RTN2: variants seen among roughly 807,000 people sequenced by gnomAD.
RTN2 encodes the protein reticulon-2.
In RTN2, 36 loss-of-function variants were observed where a neutral mutation model predicts 63.7. That is an observed-to-expected ratio of 0.56 (90% CI 0.43 to 0.75). RTN2 has a LOEUF of 0.75. Ranked by LOEUF, RTN2 falls within the 30% of genes least tolerant of loss-of-function variation. The pLI, the probability that RTN2 is intolerant of heterozygous loss-of-function variation, is 0.00. For missense variants in RTN2, 673 were observed against 705.1 expected (o/e 0.95, Z 0.52); for synonymous variants, 312 against 313.0 (o/e 1.00, Z 0.03).
rs542004944 is a variant in RTN2 at position 45,489,376 on chromosome 19, A to C, written c.1211T>G (p.Val404Gly). 2 of 1,580,660 alleles carry C rather than the reference A, an allele frequency of 1.3e-6. No homozygotes were observed. Among genetic ancestry groups the C allele is most frequent in the East Asian group, 4.6e-5 (2 of 43,150 alleles). The change falls in exon 6 of 11, where the codon GTG becomes GGG. Residue 404 changes from valine (V) to glycine (G), a missense_variant. Val to Gly is a moderately radical substitution (Grantham distance 109, BLOSUM62 -3). Coordinates refer to ENST00000245923, the MANE Select transcript of RTN2 (RefSeq NM_005619.5). ...AGGGTTGGCTCCATCCCCCCGGTGC[A>C]CGGCCTGCAGCACTTTGCGGTAAAC... is the stretch of plus-strand genomic sequence containing the variant. Reference protein sequence around the residue: ...LRVYRKVLQAVHRGDGANPFQ... With the variant: ...LRVYRKVLQAGHRGDGANPFQ...
At position 45,494,409 on chromosome 19, in the gene RTN2, G is replaced by C; in HGVS notation, c.571C>G (p.Arg191Gly). The change falls in exon 4 of 11, where the codon CGA (arginine) becomes GGA (glycine). Residue 191 changes from arginine (R) to glycine (G), a missense_variant. By Grantham distance (125) the Arg-to-Gly change is moderately radical (BLOSUM62 -2). Transcript: ENST00000245923. The surrounding 1 kb of genome is among the most constrained non-coding windows in gnomAD (Gnocchi z 5.3). ...GATGAGGGCTGAGCAAGTCGGAGTC[G>C]TAGGTCCAGTTCTGATACGGTAGAG... ...TGEAGEELDL[R>G]LRLAQPSSPE... is the part of the protein sequence containing the mutation. 1 of 1,612,902 alleles carries C rather than the reference G, an allele frequency of 6.2e-7. No homozygotes were observed. Among genetic ancestry groups the C allele is most frequent in the Non-Finnish European group, 8.5e-7 (1 of 1,178,988 alleles).
chr19:45,486,250 C>T (rs968301268), intron 9 of RTN2, 137 bp from the exon 10 acceptor site: 39 of 705,010 alleles, frequency 5.5e-5, no homozygotes, highest in Non-Finnish European at 8.9e-5. Flanking sequence ...CGGCTCTAAA[C>T]TTCATAGAAT....
chr19:45,496,613 C>G, intron 1 of RTN2, 179 bp downstream of exon 1: 1 of 403,588 alleles, frequency 2.5e-6, no homozygotes. Flanking sequence ...TCGTCCAGGT[C>G]CTCCGGGTCA....
intron 4 of RTN2, 39 bp from the exon 5 acceptor site, chr19:45,493,417 T>C (rs1297806768): frequency 6.9e-7 from 1 of 1,454,716 alleles, no homozygotes; most frequent in Admixed American, 1.8e-5. Flanking sequence ...GCTGGGTCAT[T>C]TTACAACTGG....
At chr19:45,488,371 T>C in intron 9 of RTN2, 100 bp downstream of exon 9, 1 of 1,265,686 alleles carries the variant, frequency 7.9e-7, no homozygotes. Flanking sequence ...GACACCTGTG[T>C]CTGGCCGGGA....
chr19:45,489,574 T>C (rs759677853), intron 5 of RTN2, 21 bp from the exon 6 acceptor site: 11 of 1,563,466 alleles, frequency 7.0e-6, no homozygotes, highest in Non-Finnish European at 9.5e-6. Flanking sequence ...GTGGGGGGCA[T>C]CAGGGCTTGT....
At position 45,494,323 on chromosome 19, in the gene RTN2, C is replaced by T. The variant is rs1218004782; in HGVS notation, c.657G>A (p.Pro219=). Residue 219 remains proline (P), a synonymous_variant, in exon 4 of 11, where the codon CCG becomes CCA. Coordinates refer to ENST00000245923, the MANE Select transcript of RTN2 (RefSeq NM_005619.5). The surrounding 1 kb of genome is among the most constrained non-coding windows in gnomAD (Gnocchi z 5.3). Reference sequence around the variant, plus strand: ...TCGAATCTCGCGATCGGGATGGGGACGGAGTACCGGCCTGGGGTGTCCCAG... The same window carrying T: ...TCGAATCTCGCGATCGGGATGGGGATGGAGTACCGGCCTGGGGTGTCCCAG... ...PGSGTPQAGT[P]SPSRSRDSNS... The T allele has an allele frequency of 6.2e-7, 1 of 1,614,158 alleles. No homozygotes were observed. The highest frequency in any genetic ancestry group is 8.5e-7 in the Non-Finnish European group (1 of 1,180,038).
chr19:45,488,376 C>T (rs1447025354), intron 9 of RTN2, 95 bp downstream of exon 9: 1 of 1,342,766 alleles, frequency 7.4e-7, no homozygotes, highest in Non-Finnish European at 1.0e-6. Context: ...CTGTGTCTGG[C>T]CGGGACATCT....
At position 45,494,336 on chromosome 19, in the gene RTN2, TG is replaced by T. The variant is rs1369317416; in HGVS notation, c.643del (p.Gln215ArgfsTer37). 1.2e-6 allele frequency: 2 copies of T among 1,614,150 alleles called. No homozygotes were observed. Among genetic ancestry groups the T allele is most frequent in the Non-Finnish European group, 1.7e-6 (2 of 1,180,018 alleles). ...PQLSPGSGTP[Q>X]AGTPSPSRSR... ...TCGGGATGGGGACGGAGTACCGGCC[TG>T]GGGTGTCCCAGAGCCCGGACTGAGC... On this transcript the variant is annotated frameshift_variant, in exon 4 of 11. Transcript: ENST00000245923. LOFTEE classifies it high-confidence loss of function. This position sits in a 1 kb window ranked among gnomAD's most constrained non-coding sequence, Gnocchi z 5.3.
chr19:45,489,384 C>A lies in RTN2; in HGVS notation c.1203G>T (p.Leu401=), dbSNP rs1316395279. 3 of 1,589,532 alleles carry A rather than the reference C, an allele frequency of 1.9e-6. No individual in the cohort carries two copies. In the African/African-American group the frequency reaches 4.0e-5, roughly 21 times the overall value. Reference sequence around the variant, plus strand: ...CTCCATCCCCCCGGTGCACGGCCTGCAGCACTTTGCGGTAAACCCTGAGAG... The same window carrying A: ...CTCCATCCCCCCGGTGCACGGCCTGAAGCACTTTGCGGTAAACCCTGAGAG... ...TISLRVYRKV[L]QAVHRGDGAN... Residue 401 remains leucine, a synonymous_variant, in exon 6 of 11, where the codon CTG becomes CTT. Transcript: ENST00000245923.
rs1967997552 is a variant in RTN2 at position 45,485,460 on chromosome 19, A to ACAAGT, written c.*243_*247dup. 1 of 543,834 alleles carries ACAAGT rather than the reference A, an allele frequency of 1.8e-6. No homozygotes were observed. The highest frequency in any genetic ancestry group is 2.2e-5 in the South Asian group (1 of 44,888). 33.7% of individuals were successfully genotyped at this position (543,834 alleles called of 1,614,324 possible). ...AGGGTGGTGCCCTGTCTAGGCAACT[A>ACAAGT]CAAGTCCCAGCAGGCCCCGCGGCCA... On this transcript the variant is annotated 3_prime_UTR_variant, in exon 11 of 11. Transcript: ENST00000245923.
In RTN2 at chr19:45,494,813, C is replaced by T. The variant is rs149153041; in HGVS notation, c.272G>A (p.Arg91His). The change falls in exon 3 of 11, where the codon CGC becomes CAC. Residue 91 changes from arginine (R) to histidine (H), a missense_variant. Transcript: ENST00000245923. This position sits in a 1 kb window ranked among gnomAD's most constrained non-coding sequence, Gnocchi z 5.3. ...STARRPRPQGRSVSEPRDQHP... is the reference protein window; with the variant it reads ...STARRPRPQGHSVSEPRDQHP... ...CTGGTCTCGTGGTTCCGAGACTGAGCGGCCCTGGGGGCGGGGGCGGCGGGC... is the reference window on the plus strand; with the variant it reads ...CTGGTCTCGTGGTTCCGAGACTGAGTGGCCCTGGGGGCGGGGGCGGCGGGC... The T allele has an allele frequency of 4.4e-6, 7 of 1,603,738 alleles. No homozygotes were observed. Among genetic ancestry groups the T allele is most frequent in the African/African-American group, 2.7e-5 (2 of 75,050 alleles).
chr19:45,488,638 C>A lies in RTN2; in HGVS notation c.1449G>T (p.Leu483=). Residue 483 remains leucine (L), a splice_region_variant and synonymous_variant, in exon 8 of 11, where the codon CTG becomes CTT. Coordinates refer to ENST00000245923, the MANE Select transcript of RTN2 (RefSeq NM_005619.5). ...CCCCTTACGGCCTTCCCAGCTCACC[C>A]AGAATGAGAAGAGTCAAACCATTGA... is the stretch of plus-strand genomic sequence containing the variant. The part of the protein sequence containing the change: ...AIFNGLTLLI[L]GVIGLFTIPL... The A allele has an allele frequency of 6.2e-7, 1 of 1,613,964 alleles. No individual in the cohort carries two copies. The highest frequency in any genetic ancestry group is 8.5e-7 in the Non-Finnish European group (1 of 1,179,912).
chr19:45,491,801 ATTTTTAAATGTTTTG>A (rs1968167426), intron 5 of RTN2, among the ~76,000 whole-genome samples: 1 of 151,828 alleles, frequency 6.6e-6, no homozygotes, highest in Non-Finnish European at 1.5e-5. Flanking sequence ...AACCTGGCTA[ATTTTTAAATGTTTTG>A]TAGAGATAGG....
intron 5 of RTN2, among the ~76,000 whole-genome samples, chr19:45,492,760 G>A (rs1968186680): frequency 6.6e-6 from 1 of 152,122 alleles, no homozygotes; most frequent in African/African-American, 2.4e-5. Context: ...CCTCCCCATA[G>A]CAGGGCCCTC....
At chr19:45,487,954 A>G (rs1968063637) in intron 9 of RTN2, among the ~76,000 whole-genome samples, 1 of 149,634 alleles carries the variant, frequency 6.7e-6, no homozygotes, top group South Asian at 2.1e-4. Context: ...AAAAAAAAAA[A>G]AAAAAAAGGC....
chr19:45,491,946 G>A (rs1050409455), intron 5 of RTN2, among the ~76,000 whole-genome samples: 5 of 151,926 alleles, frequency 3.3e-5, no homozygotes, highest in African/African-American at 1.2e-4. Flanking sequence ...TTTTTTTAAT[G>A]TCATAAATTT....
Position 45,493,053 on chromosome 19 carries a change from G to A in RTN2, c.1033+107C>T, listed in dbSNP as rs1968194434. On this transcript the variant is annotated intron_variant, in intron 5 of 10. Coordinates refer to ENST00000245923, the MANE Select transcript of RTN2 (RefSeq NM_005619.5). ...CCCTAGCCCCAGCCTGCAGCGCTGC[G>A]GAAGCAGATCAGTAATAAAAATGCT... 4 of 1,123,496 alleles carry A rather than the reference G, an allele frequency of 3.6e-6. No homozygotes were observed. The Admixed American group carries it at 7.3e-5, about 20-fold the overall frequency. The allele number at this position is 1,123,496 out of a possible 1,614,324, so 69.6% of individuals were successfully genotyped here. A position where few individuals can be genotyped will look rare whatever the true frequency, so the allele number is the denominator to read the frequency against.
rs530252023 is a variant in RTN2, at chr19:45,493,971, T to A, written c.814+195A>T. On this transcript the variant is annotated intron_variant, in intron 4 of 10. Transcript: ENST00000245923. ...TCCCAAAGGGCTGGGATTACAGGCA[T>A]GAGCCACCGCGCCCGGCCGGGGAAA... The A allele has an allele frequency of 8.6e-4, 697 of 813,018 alleles. 2 individuals carry two copies. The highest frequency in any genetic ancestry group is 1.2e-3 in the Non-Finnish European group (610 of 520,816). 50.4% of individuals were successfully genotyped at this position (813,018 alleles called of 1,614,324 possible). A position where few individuals can be genotyped will look rare whatever the true frequency, so the allele number is the denominator to read the frequency against.
Sources: allele counts gnomAD v4.1 joint callset (sites outside exome capture counted in the v4.1 genomes callset), GRCh38; gene constraint gnomAD v4.1.1; non-coding constraint Gnocchi (gnomAD v3.1); transcripts MANE v1.5; gene names NCBI Gene and HGNC (gene_info 2026-07-23, HGNC 2026-07-21).